Variants in APPBP2 observed in about 807,000 individuals in gnomAD.
The protein encoded by APPBP2 is amyloid protein-binding protein 2.
Under a neutral mutation model 76.0 loss-of-function variants are expected in APPBP2, and 15 were observed. The ratio of observed to expected loss-of-function variants is 0.20; its 90% CI spans 0.13 to 0.30. The LOEUF is 0.30. Among genes scored for constraint, APPBP2 ranks in the 10% least tolerant of loss-of-function variants. APPBP2 has a pLI of 1.00. For synonymous variants in APPBP2, 222 were observed against 242.2 expected (o/e 0.92, Z 0.77); for missense variants, 401 against 687.2 (o/e 0.58, Z 4.66).
intron 2 of APPBP2, among the ~76,000 whole-genome samples, chr17:60,499,276 G>C (rs1008841340): frequency 7.2e-5 from 11 of 151,792 alleles, no homozygotes; most frequent in Admixed American, 5.3e-4. Flanking sequence ...TGAGTTTGCA[G>C]TGAGCTACGA....
intron 4 of APPBP2, among the ~76,000 whole-genome samples, chr17:60,474,445 A>G (rs2090575067): frequency 6.6e-6 from 1 of 152,112 alleles, no homozygotes; most frequent in Non-Finnish European, 1.5e-5. Context: ...AAGTGCTGGG[A>G]TTACAGGTGT....
intron 3 of APPBP2, among the ~76,000 whole-genome samples, chr17:60,490,844 G>A (rs886686651): frequency 7.9e-5 from 12 of 152,112 alleles, no homozygotes; most frequent in Non-Finnish European, 1.5e-4. Context: ...CATGTAAGAT[G>A]TGCCTTTTAC....
intron 4 of APPBP2, among the ~76,000 whole-genome samples, chr17:60,470,432 A>T (rs1001507334): frequency 1.1e-4 from 16 of 151,810 alleles, no homozygotes; most frequent in South Asian, 8.3e-4. Context: ...GCTGATTTTT[A>T]AAAAAATTAT....
At chr17:60,517,838 A>C (rs2090975371) in intron 1 of APPBP2, among the ~76,000 whole-genome samples, 1 of 152,176 alleles carries the variant, frequency 6.6e-6, no homozygotes, top group Non-Finnish European at 1.5e-5. Flanking sequence ...ATTACCTTGC[A>C]TCTGGCTTTA....
At chr17:60,487,007 T>A (rs1161888936) in intron 3 of APPBP2, among the ~76,000 whole-genome samples, 1 of 152,222 alleles carries the variant, frequency 6.6e-6, no homozygotes, top group Non-Finnish European at 1.5e-5. Flanking sequence ...TCTTTAAGAA[T>A]GTTGAATATT....
In APPBP2 at chr17:60,505,676, G is replaced by GTT. The variant is rs1170935393; in HGVS notation, c.139-5191_139-5190dup. On this transcript the variant is annotated intron_variant, in intron 1 of 12. Coordinates refer to ENST00000083182, the MANE Select transcript of APPBP2 (RefSeq NM_006380.5). ...TCCTAAAAGCCACCTGACCCCTGCG[G>GTT]TTTTTTTTTTTTTTTTTTTTTTTTT... 7.1e-3 allele frequency among the ~76,000 whole-genome samples: 606 copies of GTT among 85,684 alleles called. 132 individuals carry two copies. The highest frequency in any genetic ancestry group is 0.035 in the African/African-American group (457 of 12,974). 56.2% of individuals were successfully genotyped at this position (85,684 alleles called of 152,430 possible).
At chr17:60,474,558 A>G in intron 4 of APPBP2, among the ~76,000 whole-genome samples, 1 of 152,210 alleles carries the variant, frequency 6.6e-6, no homozygotes, top group Non-Finnish European at 1.5e-5. Context: ...TTTCAGCTTA[A>G]CATTTCTTTC....
At chr17:60,447,875 T>C (rs370157773) in intron 12 of APPBP2, 41 bp from the exon 13 acceptor site, 7 of 1,515,562 alleles carry the variant, frequency 4.6e-6, no homozygotes, top group Non-Finnish European at 6.2e-6. Context: ...AAAGCACAAA[T>C]AATGAGATAA....
At chr17:60,467,336 T>C (rs1288926400) in intron 4 of APPBP2, among the ~76,000 whole-genome samples, 1 of 152,106 alleles carries the variant, frequency 6.6e-6, no homozygotes, top group Non-Finnish European at 1.5e-5. Context: ...ATACAAAAAA[T>C]TTATTTTTTC....
intron 3 of APPBP2, among the ~76,000 whole-genome samples, chr17:60,482,585 G>C (rs1401841281): frequency 6.6e-6 from 1 of 152,102 alleles, no homozygotes; most frequent in African/African-American, 2.4e-5. Context: ...CCCTCCCCCA[G>C]ACCGCCACCC....
intron 4 of APPBP2, among the ~76,000 whole-genome samples, chr17:60,478,787 G>A (rs1011070805): frequency 6.6e-6 from 1 of 152,216 alleles, no homozygotes; most frequent in Non-Finnish European, 1.5e-5. Context: ...GCGCATGCCT[G>A]TAATCCCAGC....
At chr17:60,452,917 G>A (rs1219690060) in intron 11 of APPBP2, among the ~76,000 whole-genome samples, 1 of 152,132 alleles carries the variant, frequency 6.6e-6, no homozygotes, top group Non-Finnish European at 1.5e-5. Flanking sequence ...CTGGACAACA[G>A]AGTAAGAACC....
intron 2 of APPBP2, among the ~76,000 whole-genome samples, chr17:60,500,143 C>T (rs2090810749): frequency 6.6e-6 from 1 of 151,980 alleles, no homozygotes. Flanking sequence ...TCCCAAGTAG[C>T]TGGGACTAAG....
intron 1 of APPBP2, among the ~76,000 whole-genome samples, chr17:60,513,768 CAGG>C (rs901681407): frequency 6.6e-6 from 1 of 151,278 alleles, no homozygotes; most frequent in African/African-American, 2.4e-5. Flanking sequence ...GAGGCTGAGG[CAGG>C]AGAATCACTT....
At chr17:60,457,573 A>C (rs1567919295) in intron 9 of APPBP2, among the ~76,000 whole-genome samples, 1 of 151,788 alleles carries the variant, frequency 6.6e-6, no homozygotes, top group Non-Finnish European at 1.5e-5. Flanking sequence ...TTACAGGTGT[A>C]CACTGCCATG....
At chr17:60,468,732 C>T (rs2090529418) in intron 4 of APPBP2, among the ~76,000 whole-genome samples, 1 of 152,206 alleles carries the variant, frequency 6.6e-6, no homozygotes, top group African/African-American at 2.4e-5. Context: ...TTATTATGGT[C>T]TAATTTTATC....
Position 60,493,130 on chromosome 17 carries a change from G to A in APPBP2, c.379+1336C>T, listed in dbSNP as rs1351180527. On this transcript the variant is annotated intron_variant, in intron 3 of 12. Coordinates refer to ENST00000083182, the MANE Select transcript of APPBP2 (RefSeq NM_006380.5). ...TCTCGTCTGCCACCATATAAGACAT[G>A]CCTTCCACCTTCCGCCATGATTGTG... Among the ~76,000 whole-genome samples the A allele has an allele frequency of 2.0e-5, 3 of 152,116 alleles. No homozygotes were observed. In the East Asian group the frequency reaches 5.8e-4, roughly 29 times the overall value.
rs372343873 is a variant in APPBP2 at position 60,445,507 on chromosome 17, C to T, written c.*2074G>A. The T allele has an allele frequency of 6.6e-6, 1 of 152,530 alleles. No homozygotes were observed. The highest frequency in any genetic ancestry group is 1.5e-5 in the Non-Finnish European group (1 of 68,032). The allele number at this position is 152,530 out of a possible 1,614,324, so 9.4% of individuals were successfully genotyped here. On this transcript the variant is annotated 3_prime_UTR_variant, in exon 13 of 13. Transcript: ENST00000083182. ...TTTATTGAAAAACAATTTACCATGA[C>T]ATTCCTATACCACAAACATACCACT...
intron 3 of APPBP2, among the ~76,000 whole-genome samples, chr17:60,484,731 G>C (rs1395943020): frequency 6.6e-6 from 1 of 152,098 alleles, no homozygotes; most frequent in Admixed American, 6.6e-5. Context: ...TCCCTTGCCT[G>C]ACCGCCCTGG....
Sources: gnomAD v4.1 joint callset for allele counts (sites outside exome capture counted in the v4.1 genomes callset) on GRCh38, gnomAD v4.1.1 for gene constraint, MANE v1.5 for transcripts, NCBI Gene and HGNC (gene_info 2026-07-23, HGNC 2026-07-21) for gene names.